Variants in LAMA3 observed in about 807,000 individuals in gnomAD.
LAMA3 encodes the protein laminin subunit alpha-3.
A neutral mutation model predicts 402.0 loss-of-function variants in LAMA3; 281 were observed. The ratio of observed to expected loss-of-function variants is 0.70; its 90% CI spans 0.63 to 0.77. LAMA3 has a LOEUF of 0.77. Ranked by LOEUF, LAMA3 falls within the 30% of genes least tolerant of loss-of-function variation. The pLI, the probability that LAMA3 is intolerant of heterozygous loss-of-function variation, is 0.00. For missense variants in LAMA3, 3,840 were observed against 4,215.5 expected (o/e 0.91, Z 2.47); for synonymous variants, 1,431 against 1,558.4 (o/e 0.92, Z 1.93).
chr18:23,938,209 G>T (rs1249061133), intron 67 of LAMA3, among the ~76,000 whole-genome samples: 1 of 152,122 alleles, frequency 6.6e-6, no homozygotes, highest in East Asian at 1.9e-4. Context: ...TTCCTCTCAG[G>T]GCTCATTGGC....
At chr18:23,745,279 T>C (rs2061634032) in intron 2 of LAMA3, among the ~76,000 whole-genome samples, 1 of 152,026 alleles carries the variant, frequency 6.6e-6, no homozygotes, top group African/African-American at 2.4e-5. Context: ...GTATTGTTCT[T>C]TGAGCTGTCC....
At chr18:23,766,405 G>A (rs1323257942) in intron 8 of LAMA3, among the ~76,000 whole-genome samples, 1 of 150,572 alleles carries the variant, frequency 6.6e-6, no homozygotes, top group African/African-American at 2.4e-5. Flanking sequence ...AGAATTTATT[G>A]TCTAAGAGAC....
At chr18:23,758,720 A>G (rs891019114) in intron 7 of LAMA3, among the ~76,000 whole-genome samples, 12 of 152,226 alleles carry the variant, frequency 7.9e-5, no homozygotes, top group South Asian at 4.1e-4. Flanking sequence ...AAGAACAATA[A>G]TGATGATGAC....
At chr18:23,892,915 A>AC (rs1163410568) in intron 42 of LAMA3, among the ~76,000 whole-genome samples, 11 of 150,834 alleles carry the variant, frequency 7.3e-5, no homozygotes, top group Non-Finnish European at 1.6e-4. Flanking sequence ...AAAAAAAAAA[A>AC]AAAAAAAGCA....
chr18:23,916,829 C>T (rs1229409796), intron 60 of LAMA3, 134 bp downstream of exon 60: 8 of 915,220 alleles, frequency 8.7e-6, no homozygotes, highest in Non-Finnish European at 1.2e-5. Flanking sequence ...TCCTTTTCCT[C>T]CACCCAGTTG....
intron 60 of LAMA3, among the ~76,000 whole-genome samples, chr18:23,917,113 G>C (rs1383751776): frequency 6.6e-6 from 1 of 152,026 alleles, no homozygotes; most frequent in Non-Finnish European, 1.5e-5. Context: ...AAGTGAGAAC[G>C]TGTGGTATTT....
intron 68 of LAMA3, among the ~76,000 whole-genome samples, chr18:23,939,672 A>T (rs1258147): frequency 7.9e-5 from 12 of 151,858 alleles, no homozygotes; most frequent in African/African-American, 1.2e-4. Flanking sequence ...TAAGGATGAC[A>T]TTTTTTTTCT....
chr18:23,862,009 C>G (rs973955627), intron 35 of LAMA3, among the ~76,000 whole-genome samples: 1 of 152,184 alleles, frequency 6.6e-6, no homozygotes, highest in African/African-American at 2.4e-5. Context: ...CCCACCATTG[C>G]CATGCATGAG....
chr18:23,860,413 C>T (rs995275319), intron 34 of LAMA3, among the ~76,000 whole-genome samples: 7 of 151,782 alleles, frequency 4.6e-5, no homozygotes, highest in African/African-American at 1.7e-4. Context: ...CATGCACCAC[C>T]ACACCTGGTT....
At chr18:23,862,607 C>T (rs1390732154) in intron 35 of LAMA3, among the ~76,000 whole-genome samples, 2 of 152,192 alleles carry the variant, frequency 1.3e-5, no homozygotes, top group Non-Finnish European at 2.9e-5. Flanking sequence ...TGCCTCTCTT[C>T]TATGATCCCA....
At chr18:23,762,172 C>G (rs908855973) in intron 7 of LAMA3, among the ~76,000 whole-genome samples, 1 of 151,614 alleles carries the variant, frequency 6.6e-6, no homozygotes, top group African/African-American at 2.4e-5. Context: ...GCCGTGACCA[C>G]ACCACTACAC....
chr18:23,891,166 G>A (rs1170773289), intron 42 of LAMA3, among the ~76,000 whole-genome samples: 2 of 152,214 alleles, frequency 1.3e-5, no homozygotes, highest in Non-Finnish European at 2.9e-5. Flanking sequence ...AAAGAGAGAT[G>A]CGGAAATGTG....
intron 7 of LAMA3, among the ~76,000 whole-genome samples, chr18:23,762,234 A>G (rs1424897126): frequency 6.6e-6 from 1 of 152,098 alleles, no homozygotes; most frequent in Non-Finnish European, 1.5e-5. Context: ...AATAAAATAA[A>G]TATATTATTC....
intron 41 of LAMA3, 21 bp downstream of exon 41, chr18:23,884,874 G>T (rs750043637): frequency 2.5e-6 from 4 of 1,585,546 alleles, no homozygotes; most frequent in South Asian, 1.1e-5. Flanking sequence ...CGCCCCTCCC[G>T]CCTCAGCCTG....
At chr18:23,695,193 C>G (rs1322955572) in intron 1 of LAMA3, among the ~76,000 whole-genome samples, 2 of 152,130 alleles carry the variant, frequency 1.3e-5, no homozygotes, top group African/African-American at 2.4e-5. Flanking sequence ...TTGCTGACAC[C>G]TTGATTTTGG....
intron 1 of LAMA3, among the ~76,000 whole-genome samples, chr18:23,706,056 A>T (rs983840421): frequency 6.6e-6 from 1 of 152,176 alleles, no homozygotes; most frequent in Non-Finnish European, 1.5e-5. Flanking sequence ...TTGCTTGCTC[A>T]TAACTTTATA....
At chr18:23,865,147 AAACTTTTTTTG>A (rs2064323575) in intron 36 of LAMA3, among the ~76,000 whole-genome samples, 1 of 152,070 alleles carries the variant, frequency 6.6e-6, no homozygotes, top group African/African-American at 2.4e-5. Context: ...GCCTCATGTT[AAACTTTTTTTG>A]AACTTTTTTT....
rs1228894523 is a variant in LAMA3, at chr18:23,951,731, C to A, written c.9690C>A (p.Val3230=). The stretch of plus-strand genomic sequence containing the variant: ...GGGCAGGTGGGACCTCAACGTCGGT[C>A]ACACCAAAGCAGTCTCTGTGTGATG... ...DSGAGGTSTS[V]TPKQSLCDGQ... Residue 3230 remains valine (V), a synonymous_variant, in exon 73 of 75, where the codon GTC becomes GTA. Coordinates refer to ENST00000313654, the MANE Select transcript of LAMA3 (RefSeq NM_198129.4). The A allele has an allele frequency of 1.2e-6, 2 of 1,613,938 alleles. No individual in the cohort carries two copies. The highest frequency in any genetic ancestry group is 2.2e-5 in the South Asian group (2 of 91,016).
At chr18:23,758,583 C>T in intron 7 of LAMA3, 72 bp downstream of exon 7, 5 of 1,145,430 alleles carry the variant, frequency 4.4e-6, no homozygotes, top group Non-Finnish European at 6.5e-6. Context: ...AGGCTATTTT[C>T]CCCATGCTAG....
Sources: allele counts gnomAD v4.1 joint callset (sites outside exome capture counted in the v4.1 genomes callset), GRCh38; gene constraint gnomAD v4.1.1; transcripts MANE v1.5; gene names NCBI Gene and HGNC (gene_info 2026-07-23, HGNC 2026-07-21).